CCDC60: variants seen among roughly 807,000 people sequenced by gnomAD.
CCDC60 encodes the protein coiled-coil domain-containing protein 60.
Under a neutral mutation model 63.5 loss-of-function variants are expected in CCDC60, and 54 were observed. The ratio of observed to expected loss-of-function variants is 0.85; its 90% confidence interval spans 0.68 to 1.07. The LOEUF (loss-of-function observed/expected upper bound fraction) is 1.07. Among genes scored for constraint, CCDC60 ranks in the 50% least tolerant of loss-of-function variants. The pLI, the probability that CCDC60 is intolerant of heterozygous loss-of-function variation, is 0.00. For synonymous variants in CCDC60, 206 were observed against 238.8 expected, an observed-to-expected ratio of 0.86 and a Z score of 1.27; for missense variants, 651 against 684.3, an observed-to-expected ratio of 0.95 and a Z score of 0.54.
intron 1 of CCDC60, among the ~76,000 whole-genome samples, chr12:119,416,108 G>A (rs753425748): frequency 2.6e-5 from 4 of 152,284 alleles, no homozygotes; most frequent in South Asian, 4.1e-4. Context: ...TTGGCGAGGC[G>A]TAGTGGTTCA....
At chr12:119,397,210 G>T (rs761351086) in intron 1 of CCDC60, among the ~76,000 whole-genome samples, 3 of 152,186 alleles carry the variant, frequency 2.0e-5, no homozygotes, top group African/African-American at 4.8e-5. Flanking sequence ...AGAGTGAGCA[G>T]CAGCAAGAGT....
intron 1 of CCDC60, among the ~76,000 whole-genome samples, chr12:119,406,876 T>C (rs1956502783): frequency 6.6e-6 from 1 of 152,176 alleles, no homozygotes; most frequent in Admixed American, 6.5e-5. Context: ...TGAGACATGG[T>C]GACAGGCATC....
intron 2 of CCDC60, 71 bp downstream of exon 2, chr12:119,428,833 A>G (rs949728177): frequency 4.0e-6 from 4 of 995,544 alleles, no homozygotes; most frequent in Non-Finnish European, 3.1e-6. Flanking sequence ...GGTGTTGCCT[A>G]CAAGTCCTTG....
At chr12:119,427,050 A>T (rs1294408643) in intron 1 of CCDC60, among the ~76,000 whole-genome samples, 1 of 152,176 alleles carries the variant, frequency 6.6e-6, no homozygotes, top group Admixed American at 6.5e-5. Flanking sequence ...CCTTCAAAAA[A>T]CACTCTCAGT....
chr12:119,364,621 A>G (rs550098968), intron 1 of CCDC60, among the ~76,000 whole-genome samples: 2 of 152,292 alleles, frequency 1.3e-5, no homozygotes, highest in East Asian at 3.9e-4. Context: ...GTTGATGCAC[A>G]GTTGGGTCAG....
At chr12:119,336,828 T>C (rs377033844) in intron 1 of CCDC60, among the ~76,000 whole-genome samples, 3 of 152,228 alleles carry the variant, frequency 2.0e-5, no homozygotes, top group Admixed American at 2.0e-4. Flanking sequence ...GAAAAATCGA[T>C]ACGTACTGAA....
intron 1 of CCDC60, among the ~76,000 whole-genome samples, chr12:119,417,097 G>A (rs1404587628): frequency 6.6e-6 from 1 of 152,116 alleles, no homozygotes; most frequent in Non-Finnish European, 1.5e-5. Flanking sequence ...TCCAGCCTGG[G>A]CAACAAGAGC....
chr12:119,533,333 G>A (rs369470865), intron 13 of CCDC60, among the ~76,000 whole-genome samples: 10 of 152,066 alleles, frequency 6.6e-5, no homozygotes, highest in East Asian at 1.9e-4. Flanking sequence ...TTGTCAGATG[G>A]GTAGATTGCA....
intron 1 of CCDC60, among the ~76,000 whole-genome samples, chr12:119,349,087 G>A (rs1955627309): frequency 6.6e-6 from 1 of 152,110 alleles, no homozygotes; most frequent in Non-Finnish European, 1.5e-5. Context: ...GGGTCATACA[G>A]CTGCTGGTTA....
intron 5 of CCDC60, among the ~76,000 whole-genome samples, chr12:119,492,640 G>T (rs1008893379): frequency 3.3e-5 from 5 of 152,106 alleles, no homozygotes; most frequent in African/African-American, 1.2e-4. Context: ...AAGAGCAAAG[G>T]GTTTAGCATC....
At chr12:119,412,352 T>C (rs1400396951) in intron 1 of CCDC60, among the ~76,000 whole-genome samples, 2 of 152,202 alleles carry the variant, frequency 1.3e-5, no homozygotes, top group Non-Finnish European at 2.9e-5. Flanking sequence ...CACTTGATTG[T>C]TGCAGAGATG....
At chr12:119,357,953 G>A (rs556494292) in intron 1 of CCDC60, among the ~76,000 whole-genome samples, 49 of 152,314 alleles carry the variant, frequency 3.2e-4, no homozygotes, top group African/African-American at 1.1e-3. Context: ...TACAATCATG[G>A]CTAAAGGTGA....
At chr12:119,369,658 T>C (rs1207137810) in intron 1 of CCDC60, among the ~76,000 whole-genome samples, 1 of 152,162 alleles carries the variant, frequency 6.6e-6, no homozygotes, top group African/African-American at 2.4e-5. Context: ...AAAATAATAA[T>C]ACTTAGCTCG....
chr12:119,345,842 C>G (rs1232887925), intron 1 of CCDC60, among the ~76,000 whole-genome samples: 1 of 151,614 alleles, frequency 6.6e-6, no homozygotes, highest in Non-Finnish European at 1.5e-5. Flanking sequence ...TGTTTTGAGA[C>G]AGTCTCACTC....
intron 1 of CCDC60, among the ~76,000 whole-genome samples, chr12:119,424,704 T>G (rs187138822): frequency 2.0e-5 from 3 of 152,358 alleles, no homozygotes; most frequent in Admixed American, 2.0e-4. Flanking sequence ...CAAATGATGT[T>G]TGTAAATGTC....
chr12:119,410,720 A>G lies in CCDC60; in HGVS notation c.91-17963A>G, dbSNP rs1956581598. On this transcript the variant is annotated intron_variant, in intron 1 of 13. Coordinates refer to ENST00000327554, the MANE Select transcript of CCDC60 (RefSeq NM_178499.5). The surrounding 1 kb of genome is among the most constrained non-coding windows in gnomAD (Gnocchi z 4.0). The stretch of plus-strand genomic sequence containing the variant: ...AGTTCTTGGATGATATCCCCATAAC[A>G]AAAGACGTATTAATGAAAGAAAAGC... 6.6e-6 allele frequency among the ~76,000 whole-genome samples: 1 copy of G among 152,184 alleles called. No individual in the cohort carries two copies. Among genetic ancestry groups the G allele is most frequent in the Non-Finnish European group, 1.5e-5 (1 of 68,028 alleles).
intron 7 of CCDC60, among the ~76,000 whole-genome samples, chr12:119,506,278 C>T (rs114860072): frequency 3.0e-4 from 46 of 151,930 alleles, no homozygotes; most frequent in African/African-American, 1.1e-3. Flanking sequence ...TTTTCAGTGG[C>T]TCAAAATATG....
At chr12:119,471,918 C>A in intron 2 of CCDC60, 76 bp from the exon 3 acceptor site, 2 of 1,224,190 alleles carry the variant, frequency 1.6e-6, no homozygotes, top group Non-Finnish European at 2.3e-6. Context: ...CTTTCTTTCT[C>A]TCCTTCTCTT....
At chr12:119,354,064 TTCTCTCTC>T (rs757579121) in intron 1 of CCDC60, among the ~76,000 whole-genome samples, 1 of 85,050 alleles carries the variant, frequency 1.2e-5, no homozygotes, top group Non-Finnish European at 2.6e-5. Flanking sequence ...CTCTCTCTCT[TTCTCTCTC>T]TCTCTCGTCT....
Sources: allele counts gnomAD v4.1 joint callset (sites outside exome capture counted in the v4.1 genomes callset), GRCh38; gene constraint gnomAD v4.1.1; non-coding constraint Gnocchi (gnomAD v3.1); transcripts MANE v1.5; gene names NCBI Gene and HGNC (gene_info 2026-07-23, HGNC 2026-07-21).